The following EPPK1 variants were observed in gnomAD, a reference collection of about 807,000 sequenced individuals.
The protein encoded by EPPK1 is epiplakin 1, also known as epiplakin.
For synonymous variants in EPPK1, 1,862 were observed against 1,721.2 expected (o/e 1.08, Z -2.03); for missense variants, 3,823 against 3,673.3 (o/e 1.04, Z -1.05).
In EPPK1 at chr8:143,863,243, G is replaced by A. The variant is rs1819027972; in HGVS notation, c.10011C>T (p.Gly3337=). The A allele has an allele frequency of 1.4e-5, 2 of 140,930 alleles. 1 individual carries two copies. Among genetic ancestry groups the A allele is most frequent in the Non-Finnish European group, 2.6e-5 (2 of 76,982 alleles). The allele number at this position is 140,930 out of a possible 1,614,324, so 8.7% of individuals were successfully genotyped here. The stretch of plus-strand genomic sequence containing the variant: ...GGTTGCGCACGGGGTCGATGACGAA[G>A]CCGGTGGCCGCCTGCGCCTCCAGCA... The part of the protein sequence containing the change: ...LVLLEAQAAT[G]FVIDPVRNLR... Residue 3337 remains glycine (G), a synonymous_variant, in exon 2 of 2, where the codon GGC becomes GGT. Coordinates refer to ENST00000615648, the MANE Select transcript of EPPK1 (RefSeq NM_031308.4).
In EPPK1 at chr8:143,860,569, TGGC is replaced by T; in HGVS notation, c.12682_12684del (p.Ala4228del). The T allele has an allele frequency of 4.2e-5, 1 of 23,892 alleles. No individual in the cohort carries two copies. Among genetic ancestry groups the T allele is most frequent in the East Asian group, 2.1e-4 (1 of 4,754 alleles). 1.5% of individuals were successfully genotyped at this position (23,892 alleles called of 1,614,324 possible). A position where few individuals can be genotyped will look rare whatever the true frequency, so the allele number is the denominator to read the frequency against. ...TGCTCCTGGCGGCGGGCGGCGGCGG[TGGC>T]GGCGGCGGCCTCCTGGGTCTCGCCC... On this transcript the variant is annotated inframe_deletion, in exon 2 of 2. Coordinates refer to ENST00000615648, the MANE Select transcript of EPPK1 (RefSeq NM_031308.4).
chr8:143,871,459 G>A lies in EPPK1; in HGVS notation c.1795C>T (p.Leu599=), dbSNP rs1390565915. 1 of 1,607,892 alleles carries A rather than the reference G, an allele frequency of 6.2e-7. No homozygotes were observed. Among genetic ancestry groups the A allele is most frequent in the Non-Finnish European group, 8.5e-7 (1 of 1,178,188 alleles). ...TGCAGGTACCTCTGCACCGAGGCCA[G>A]GCTGCCCACATCCTTGGCTGTGGCC... ...GQATAKDVGS[L]ASVQRYLQGT... Residue 599 remains leucine, a synonymous_variant, in exon 2 of 2, where the codon CTG becomes TTG. Transcript: ENST00000615648.
Position 143,872,087 on chromosome 8 carries a change from T to C in EPPK1, c.1167A>G (p.Pro389=), listed in dbSNP as rs782175510. 3 of 1,561,944 alleles carry C rather than the reference T, an allele frequency of 1.9e-6. No homozygotes were observed. In the African/African-American group the frequency reaches 4.1e-5, roughly 21 times the overall value. Residue 389 remains proline (P), a synonymous_variant, in exon 2 of 2, where the codon CCA becomes CCG. Coordinates refer to ENST00000615648, the MANE Select transcript of EPPK1 (RefSeq NM_031308.4). ...GGGCATCCAAGAGCCGCAGTGCCAG[T>C]GGCCTGTCCACTAGCCCCTTCTTCA... ...QAMKKGLVDR[P]LALRLLDAQL...
rs575202339 is a variant in EPPK1, at chr8:143,857,379, T to A, written c.*608A>T. 1 of 152,424 alleles carries A rather than the reference T, an allele frequency of 6.6e-6. No homozygotes were observed. The highest frequency in any genetic ancestry group is 1.9e-4 in the East Asian group (1 of 5,198). 9.4% of individuals were successfully genotyped at this position (152,424 alleles called of 1,614,324 possible). A position where few individuals can be genotyped will look rare whatever the true frequency, so the allele number is the denominator to read the frequency against. Reference sequence around the variant, plus strand: ...TTCCTAGTAAATTACTACAAAAAGTTCTTCTCCACAACAGACTCGCTCAGT... The same window carrying A: ...TTCCTAGTAAATTACTACAAAAAGTACTTCTCCACAACAGACTCGCTCAGT... On this transcript the variant is annotated 3_prime_UTR_variant, in exon 2 of 2. Transcript: ENST00000615648.
At position 143,868,319 on chromosome 8, in the gene EPPK1, G is replaced by T. The variant is rs188377710; in HGVS notation, c.4935C>A (p.Ala1645=). 2.2e-5 allele frequency: 35 copies of T among 1,613,142 alleles called. No homozygotes were observed. In the East Asian group the frequency reaches 6.0e-4, roughly 28 times the overall value. ...CGGTGTAGCCGGTGACGGCGCGCTC[G>T]GCCGACAGCAGCTTCACGTAGGTTT... ...GKETYVKLLS[A]ERAVTGYTDP... The change falls in exon 2 of 2, where the codon GCC becomes GCA. Residue 1645 remains alanine, a synonymous_variant. Transcript: ENST00000615648.
chr8:143,866,479 C>T lies in EPPK1; in HGVS notation c.6775G>A (p.Ala2259Thr). ...GCCTGCGCCTCCAGCAGCACCAGGGCCGTGCCGGGCCGCAGCACGCCCTTC... is the reference window on the plus strand; with the variant it reads ...GCCTGCGCCTCCAGCAGCACCAGGGTCGTGCCGGGCCGCAGCACGCCCTTC... ...MWKGVLRPGT[A>T]LVLLEAQAAT... Residue 2259 changes from alanine (A) to threonine (T), a missense_variant, in exon 2 of 2, where the codon GCC becomes ACC. Transcript: ENST00000615648. 6 of 1,514,246 alleles carry T rather than the reference C, an allele frequency of 4.0e-6. No individual in the cohort carries two copies. The highest frequency in any genetic ancestry group is 3.9e-5 in the Admixed American group (2 of 50,760). 93.8% of individuals were successfully genotyped at this position (1,514,246 alleles called of 1,614,324 possible).
rs534262901 is a variant in EPPK1 at position 143,866,799 on chromosome 8, T to C, written c.6455A>G (p.Gln2152Arg). 5.0e-6 allele frequency: 8 copies of C among 1,613,476 alleles called. No homozygotes were observed. The East Asian group carries it at 1.3e-4, about 27-fold the overall frequency. ...CTCTAAGATGAGCTGCGCTACCGTC[T>C]GCAGTGCCCGTCTGGTGTGTGTTCT... Reference protein sequence around the residue: ...MYRTHTRRALQTVAQLILELI... With the variant: ...MYRTHTRRALRTVAQLILELI... The change falls in exon 2 of 2, where the codon CAG becomes CGG. Residue 2152 changes from glutamine to arginine, a missense_variant. Transcript: ENST00000615648.
At position 143,868,886 on chromosome 8, in the gene EPPK1, G is replaced by A. The variant is rs375180416; in HGVS notation, c.4368C>T (p.Pro1456=). Residue 1456 remains proline, a synonymous_variant, in exon 2 of 2, where the codon CCC becomes CCT. Transcript: ENST00000615648. The part of the protein sequence containing the change: ...TAVALRAMKV[P]VSTGRFKGCS... ...ACCCCTTAAACCTCCCTGTGCTGAC[G>A]GGCACCTTCATGGCCCTCAGAGCCA... The A allele has an allele frequency of 2.2e-5, 36 of 1,610,872 alleles. No homozygotes were observed. The highest frequency in any genetic ancestry group is 1.5e-4 in the African/African-American group (11 of 75,040).
rs782310626 is a variant in EPPK1 at position 143,868,051 on chromosome 8, C to T, written c.5203G>A (p.Glu1735Lys). The change falls in exon 2 of 2, where the codon GAG (glutamate) becomes AAG (lysine). Residue 1735 changes from glutamate to lysine, a missense_variant. Glu to Lys is a moderately conservative substitution (Grantham distance 56). Transcript: ENST00000615648. ...TKGFFDPNTHENLTYLQLLER... is the reference protein window; with the variant it reads ...TKGFFDPNTHKNLTYLQLLER... ...AGAAGCTGCAGGTACGTGAGGTTCT[C>T]GTGCGTGTTGGGGTCGAAGAAGCCC... 22 of 1,613,542 alleles carry T rather than the reference C, an allele frequency of 1.4e-5. No individual in the cohort carries two copies. Among genetic ancestry groups the T allele is most frequent in the East Asian group, 4.5e-5 (2 of 44,896 alleles).
At chr8:143,876,731 T>C (rs1341828220) in intron 1 of EPPK1, among the ~76,000 whole-genome samples, 2 of 152,242 alleles carry the variant, frequency 1.3e-5, no homozygotes, top group Middle Eastern at 3.2e-3. Flanking sequence ...CCACTCACTA[T>C]GGCATCCAGG....
In EPPK1 at chr8:143,866,381, C is replaced by G. The variant is rs2068000318; in HGVS notation, c.6873G>C (p.Val2291=). 2 of 932,802 alleles carry G rather than the reference C, an allele frequency of 2.1e-6. No homozygotes were observed. The highest frequency in any genetic ancestry group is 3.1e-5 in the Admixed American group (1 of 32,034). 57.8% of individuals were successfully genotyped at this position (932,802 alleles called of 1,614,324 possible). The change falls in exon 2 of 2, where the codon GTG becomes GTC. Residue 2291 remains valine (V), a synonymous_variant. Transcript: ENST00000615648. ...LSVEEAVAAG[V]VGGEIQEKLL... is the part of the protein sequence containing the mutation. Reference sequence around the variant, plus strand: ...GCTTCTCCTGGATCTCGCCGCCCACCACGCCCGCGGCCACGGCCTCCTCCA... The same window carrying G: ...GCTTCTCCTGGATCTCGCCGCCCACGACGCCCGCGGCCACGGCCTCCTCCA...
rs781889536 is a variant in EPPK1, at chr8:143,869,183, C to T, written c.4071G>A (p.Gln1357=). 1.2e-6 allele frequency: 2 copies of T among 1,609,034 alleles called. No homozygotes were observed. Among genetic ancestry groups the T allele is most frequent in the East Asian group, 4.5e-5 (2 of 44,862 alleles). ...CCACACCCCCTGTGGCCAGCTGCAC[C>T]TGCAGGAGGGGCAAGCCCTCGTTCT... ...VPQNEGLPLL[Q]VQLATGGVVD... The change falls in exon 2 of 2, where the codon CAG becomes CAA. Residue 1357 remains glutamine (Q), a synonymous_variant. Coordinates refer to ENST00000615648, the MANE Select transcript of EPPK1 (RefSeq NM_031308.4).
chr8:143,867,144 T>G lies in EPPK1; in HGVS notation c.6110A>C (p.His2037Pro), dbSNP rs146515033. Residue 2037 changes from histidine to proline, a missense_variant, in exon 2 of 2, where the codon CAC (histidine) becomes CCC (proline). By Grantham distance (77) the His-to-Pro change is moderately conservative. Transcript: ENST00000615648. ...LETAYRRGCL[H>P]KDIYALISDQ... ...GGAAATGAGCGCATAGATGTCCTTG[T>G]GCAGACAGCCCCGTCTGTAGGCTGT... is the stretch of plus-strand genomic sequence containing the variant. 28 of 1,612,876 alleles carry G rather than the reference T, an allele frequency of 1.7e-5. No individual in the cohort carries two copies. In the East Asian group the frequency reaches 6.2e-4, roughly 36 times the overall value.
Position 143,868,517 on chromosome 8 carries a change from C to T in EPPK1, c.4737G>A (p.Gln1579=), listed in dbSNP as rs1554659972. ...GGATGCTCATCCTCTCCTGGGTGCC[C>T]TGGATAAGGACCCCGGCAATGAAGT... ...GGNFIAGVLI[Q]GTQERMSIPE... The change falls in exon 2 of 2, where the codon CAG becomes CAA. Residue 1579 remains glutamine (Q), a synonymous_variant. Coordinates refer to ENST00000615648, the MANE Select transcript of EPPK1 (RefSeq NM_031308.4). 1 of 1,608,528 alleles carries T rather than the reference C, an allele frequency of 6.2e-7. No homozygotes were observed. The highest frequency in any genetic ancestry group is 1.7e-5 in the Admixed American group (1 of 59,354).
rs1290622981 is a variant in EPPK1 at position 143,857,877 on chromosome 8, C to T, written c.*110G>A. On this transcript the variant is annotated 3_prime_UTR_variant, in exon 2 of 2. Transcript: ENST00000615648. ...TTCCACAGATAACGAATGGGTAAAA[C>T]AACAAAATTAAAGAATGACAAAAAA... 1 of 702,952 alleles carries T rather than the reference C, an allele frequency of 1.4e-6. No homozygotes were observed. Among genetic ancestry groups the T allele is most frequent in the Non-Finnish European group, 2.0e-6 (1 of 510,968 alleles). 43.5% of individuals were successfully genotyped at this position (702,952 alleles called of 1,614,324 possible).
rs781969807 is a variant in EPPK1, at chr8:143,867,791, A to G, written c.5463T>C (p.Ser1821=). The G allele has an allele frequency of 3.0e-5, 49 of 1,612,892 alleles. No individual in the cohort carries two copies. The highest frequency in any genetic ancestry group is 4.0e-5 in the Non-Finnish European group (47 of 1,179,722). Residue 1821 remains serine, a synonymous_variant, in exon 2 of 2, where the codon AGT becomes AGC. Coordinates refer to ENST00000615648, the MANE Select transcript of EPPK1 (RefSeq NM_031308.4). The part of the protein sequence containing the change: ...RELIQEYGAQ[S]GGLEKLLEII... The stretch of plus-strand genomic sequence containing the variant: ...TTTCCAGCAATTTCTCCAGGCCCCC[A>G]CTCTGGGCTCCATACTCCTGGATGA...
Position 143,869,722 on chromosome 8 carries a change from A to G in EPPK1, c.3532T>C (p.Ser1178Pro), listed in dbSNP as rs1364932629. The part of the protein sequence containing the change: ...GRTTVPQLLA[S>P]VQRWVQETKL... ...GTCTCCTGTACCCACCTCTGCACAGAGGCTAGCAGCTGTGGCACAGTGGTC... is the reference window on the plus strand; with the variant it reads ...GTCTCCTGTACCCACCTCTGCACAGGGGCTAGCAGCTGTGGCACAGTGGTC... The change falls in exon 2 of 2, where the codon TCT becomes CCT. Residue 1178 changes from serine to proline, a missense_variant. By Grantham distance (74) the Ser-to-Pro change is moderately conservative. Coordinates refer to ENST00000615648, the MANE Select transcript of EPPK1 (RefSeq NM_031308.4). The G allele has an allele frequency of 1.3e-6, 2 of 1,598,962 alleles. No individual in the cohort carries two copies. Among genetic ancestry groups the G allele is most frequent in the African/African-American group, 2.7e-5 (2 of 74,602 alleles).
chr8:143,859,193 C>A lies in EPPK1; in HGVS notation c.14061G>T (p.Arg4687=). 2.5e-6 allele frequency: 1 copy of A among 400,734 alleles called. No homozygotes were observed. Among genetic ancestry groups the A allele is most frequent in the Non-Finnish European group, 4.3e-6 (1 of 231,496 alleles). The allele number at this position is 400,734 out of a possible 1,614,324, so 24.8% of individuals were successfully genotyped here. ...LASGYVSGAA[R]EELLAEFGSG... ...AGCCAAACTCGGCCAGCAGCTCCTC[C>A]CGGGCGGCCCCGCTCACGTAGCCGG... is the stretch of plus-strand genomic sequence containing the variant. Residue 4687 remains arginine (R), a synonymous_variant, in exon 2 of 2, where the codon CGG becomes CGT. Coordinates refer to ENST00000615648, the MANE Select transcript of EPPK1 (RefSeq NM_031308.4).
At chr8:143,876,070 G>A (rs1286992683) in intron 1 of EPPK1, among the ~76,000 whole-genome samples, 1 of 152,210 alleles carries the variant, frequency 6.6e-6, no homozygotes, top group Non-Finnish European at 1.5e-5. Flanking sequence ...CACAGCTAGT[G>A]TCACCAAGCC....
Sources: allele counts gnomAD v4.1 joint callset (sites outside exome capture counted in the v4.1 genomes callset), GRCh38; gene constraint gnomAD v4.1.1; transcripts MANE v1.5; gene names NCBI Gene and HGNC (gene_info 2026-07-23, HGNC 2026-07-21).